Variants in GCNT4 observed in about 807,000 individuals in gnomAD.
GCNT4 encodes the protein beta-1,3-galactosyl-O-glycosyl-glycoprotein beta-1,6-N-acetylglucosaminyltransferase 4.
GCNT4 carries 17 observed loss-of-function variants against 31.3 expected under a neutral mutation model. The observed-to-expected ratio is 0.54, with a 90% CI of 0.37 to 0.81. The LOEUF (loss-of-function observed/expected upper bound fraction) is 0.81, where lower values mean the gene tolerates loss of function less well. Ranked by LOEUF, GCNT4 falls within the 40% of genes least tolerant of loss-of-function variation. The pLI, the probability that GCNT4 is intolerant of heterozygous loss-of-function variation, is 0.00. For missense variants in GCNT4, 503 were observed against 525.5 expected (o/e 0.96, Z 0.42); for synonymous variants, 158 against 190.6 (o/e 0.83, Z 1.41).
rs1368565085 is a variant in GCNT4 at position 75,028,686 on chromosome 5, G to C, written c.1352C>G (p.Thr451Ser). Residue 451 changes from threonine (T) to serine (S), a missense_variant, in exon 4 of 4, where the codon ACC becomes AGC. Coordinates refer to ENST00000652361, the MANE Select transcript of GCNT4 (RefSeq NM_001366737.1). The stretch of plus-strand genomic sequence containing the variant: ...ATCCTGATTTTACTATCATGATGTG[G>C]TAGTGAGATTTCTATCCATAAATAA... ...EKLFMDRNLT[T>S]TS is the part of the protein sequence containing the mutation. 6.2e-7 allele frequency: 1 copy of C among 1,610,754 alleles called. No homozygotes were observed. The highest frequency in any genetic ancestry group is 2.2e-5 in the East Asian group (1 of 44,872).
At chr5:75,051,581 G>A (rs1743569949) in intron 2 of GCNT4, among the ~76,000 whole-genome samples, 1 of 152,070 alleles carries the variant, frequency 6.6e-6, no homozygotes, top group Admixed American at 6.5e-5. Flanking sequence ...CCCTCTACCT[G>A]CTCTCTCTCC....
chr5:75,045,691 G>A (rs79161634), intron 3 of GCNT4, among the ~76,000 whole-genome samples: 9,023 of 152,252 alleles, frequency 0.059, 296 homozygotes, highest in Middle Eastern at 0.11. Flanking sequence ...TATCCTGGTT[G>A]CCCATCCATC....
At chr5:75,023,071 G>A (rs578183227), downstream of GCNT4, among the ~76,000 whole-genome samples, 5 of 152,272 alleles carry the variant, frequency 3.3e-5, no homozygotes, top group East Asian at 7.8e-4. Flanking sequence ...TATAACCAGG[G>A]ATGCCAGAAA....
At chr5:75,046,610 C>A (rs1338035466) in intron 3 of GCNT4, among the ~76,000 whole-genome samples, 1 of 152,162 alleles carries the variant, frequency 6.6e-6, no homozygotes, top group Non-Finnish European at 1.5e-5. Context: ...CAAGCCCGGG[C>A]ACAGCCAAGA....
upstream of GCNT4, among the ~76,000 whole-genome samples, chr5:75,053,015 T>TCGCGACTCCAGCCTGGCGG (rs1247674175): frequency 2.0e-5 from 3 of 151,810 alleles, no homozygotes; most frequent in South Asian, 2.1e-4. Flanking sequence ...GCCGGCGCGC[T>TCGCGACTCCAGCCTGGCGG]CGCGACTCCA....
chr5:75,053,048 G>A (rs957308868), upstream of GCNT4, among the ~76,000 whole-genome samples: 4 of 151,974 alleles, frequency 2.6e-5, no homozygotes, highest in East Asian at 5.8e-4. Flanking sequence ...CACTCCGCCC[G>A]CGAGCCCAGG....
At chr5:75,040,308 CCTT>C (rs1580242613) in intron 3 of GCNT4, among the ~76,000 whole-genome samples, 1 of 152,072 alleles carries the variant, frequency 6.6e-6, no homozygotes, top group Non-Finnish European at 1.5e-5. Flanking sequence ...CTATCACACT[CCTT>C]GTTTTCTTCT....
At chr5:75,025,036 C>T (rs1742926947), downstream of GCNT4, among the ~76,000 whole-genome samples, 1 of 151,010 alleles carries the variant, frequency 6.6e-6, no homozygotes, top group South Asian at 2.1e-4. Context: ...AAAGTTCAAC[C>T]TACCCTATTG....
chr5:75,045,301 T>G (rs1464439610), intron 3 of GCNT4, among the ~76,000 whole-genome samples: 1 of 152,202 alleles, frequency 6.6e-6, no homozygotes, highest in Non-Finnish European at 1.5e-5. Context: ...ATCCTGCTTC[T>G]GGGCCCTGCC....
intron 3 of GCNT4, among the ~76,000 whole-genome samples, chr5:75,044,120 C>A (rs1743384917): frequency 6.6e-6 from 1 of 152,128 alleles, no homozygotes; most frequent in Non-Finnish European, 1.5e-5. Context: ...GTCACATAAT[C>A]CCTGAAGGTC....
intron 2 of GCNT4, among the ~76,000 whole-genome samples, chr5:75,051,180 G>A (rs1205912097): frequency 3.3e-5 from 5 of 152,072 alleles, no homozygotes; most frequent in East Asian, 1.9e-4. Flanking sequence ...CCTCCCCCAT[G>A]GCTGCTTAGT....
At chr5:75,053,213 G>C (rs1330256294), upstream of GCNT4, among the ~76,000 whole-genome samples, 1 of 117,402 alleles carries the variant, frequency 8.5e-6, no homozygotes, top group African/African-American at 5.9e-5. Flanking sequence ...TCTGCTAGGC[G>C]CGCGCCGGGT....
At chr5:75,018,919 G>C in the GCNT4 span, among the ~76,000 whole-genome samples, 3 of 152,140 alleles carry the variant, frequency 2.0e-5, no homozygotes, top group Non-Finnish European at 4.4e-5. Context: ...GGAGGATGAC[G>C]AGAGAGAGGA....
At chr5:75,048,978 G>A (rs1743507493) in intron 2 of GCNT4, among the ~76,000 whole-genome samples, 1 of 152,174 alleles carries the variant, frequency 6.6e-6, no homozygotes, top group African/African-American at 2.4e-5. Flanking sequence ...CTGGTCCTGA[G>A]GCCACACTTT....
At chr5:75,044,432 C>T (rs528676633) in intron 3 of GCNT4, among the ~76,000 whole-genome samples, 5 of 151,180 alleles carry the variant, frequency 3.3e-5, no homozygotes, top group Admixed American at 1.3e-4. Flanking sequence ...GAGTCTGCTG[C>T]TAATAATGTC....
downstream of GCNT4, among the ~76,000 whole-genome samples, chr5:75,021,329 C>T (rs1742878054): frequency 1.3e-5 from 2 of 152,204 alleles, no homozygotes; most frequent in Admixed American, 1.3e-4. Context: ...GGTTCTTATT[C>T]TCTGGCAGGA....
intron 3 of GCNT4, among the ~76,000 whole-genome samples, chr5:75,037,667 A>G (rs535232493): frequency 6.6e-6 from 1 of 152,274 alleles, no homozygotes; most frequent in South Asian, 2.1e-4. Context: ...ACCTGAGATC[A>G]GGAGTTTGAG....
chr5:75,053,292 G>A (rs1375736164), upstream of GCNT4, among the ~76,000 whole-genome samples: 2 of 151,966 alleles, frequency 1.3e-5, no homozygotes, highest in Non-Finnish European at 2.9e-5. Flanking sequence ...TCCTGCAGGC[G>A]CGGAGAGAGG....
upstream of GCNT4, among the ~76,000 whole-genome samples, chr5:75,053,313 G>A (rs893099060): frequency 6.6e-6 from 1 of 152,016 alleles, no homozygotes; most frequent in Non-Finnish European, 1.5e-5. Context: ...CCGGGGTTCA[G>A]CCCGGTTCCC....
Sources: gnomAD v4.1 joint callset for allele counts (sites outside exome capture counted in the v4.1 genomes callset) on GRCh38, gnomAD v4.1.1 for gene constraint, MANE v1.5 for transcripts, NCBI Gene and HGNC (gene_info 2026-07-23, HGNC 2026-07-21) for gene names.